Variants in MSL3B observed in about 807,000 individuals in gnomAD.
MSL3B encodes the protein MSL complex subunit 3 pseudogene 1.
At chr2:233,868,277 G>T in the MSL3B span, 5 of 333,470 alleles carry the variant, frequency 1.5e-5, no homozygotes, top group Admixed American at 1.2e-4. Flanking sequence ...GAGCCTACGC[G>T]GCACCAGGCT....
the MSL3B span, chr2:233,866,546 TTGGGCACACTGGTGG>T: frequency 1.0e-6 from 1 of 1,001,050 alleles, no homozygotes; most frequent in Admixed American, 1.7e-5. Flanking sequence ...CAGGAACAGC[TTGGGCACACTGGTGG>T]ACATGTCCTG....
the MSL3B span, chr2:233,866,952 C>T: frequency 7.1e-7 from 1 of 1,404,448 alleles, no homozygotes. Context: ...ATATTCTTTT[C>T]TGCTGGGATA....
chr2:233,864,690 A>C, the MSL3B span, among the ~76,000 whole-genome samples: 1 of 152,238 alleles, frequency 6.6e-6, no homozygotes, highest in Non-Finnish European at 1.5e-5. Context: ...TATTTAACCC[A>C]ATGTATCTAA....
At chr2:233,864,883 G>A in the MSL3B span, among the ~76,000 whole-genome samples, 1 of 152,130 alleles carries the variant, frequency 6.6e-6, no homozygotes, top group Non-Finnish European at 1.5e-5. Flanking sequence ...TCATGGACAT[G>A]CAAGAGAATT....
chr2:233,868,185 G>C, the MSL3B span: 1 of 451,644 alleles, frequency 2.2e-6, no homozygotes, highest in South Asian at 1.7e-5. Flanking sequence ...AGCTATTCTG[G>C]GATCTTTCTG....
chr2:233,867,789 ATTTTT>A, the MSL3B span, among the ~76,000 whole-genome samples: 1 of 72,806 alleles, frequency 1.4e-5, no homozygotes, highest in Admixed American at 1.6e-4. Context: ...CTAATCTACG[ATTTTT>A]TTTTTTTTTT....
the MSL3B span, chr2:233,865,998 C>G: frequency 2.6e-6 from 1 of 377,618 alleles, no homozygotes; most frequent in Non-Finnish European, 5.1e-6. Context: ...CAACAGGGCA[C>G]ACCTCTGTCA....
At chr2:233,867,048 G>C in the MSL3B span, 2 of 1,231,700 alleles carry the variant, frequency 1.6e-6, no homozygotes, top group East Asian at 4.6e-5. Flanking sequence ...ATAGCAAAAT[G>C]CTTCACATAG....
the MSL3B span, chr2:233,866,427 C>A: frequency 3.3e-6 from 4 of 1,223,376 alleles, no homozygotes; most frequent in Non-Finnish European, 4.8e-6. Context: ...TCATTTATTT[C>A]ATTAGTTCTT....
At chr2:233,865,379 C>A in the MSL3B span, 1 of 151,984 alleles carries the variant, frequency 6.6e-6, no homozygotes, top group Non-Finnish European at 1.5e-5. Context: ...TAAATGAATA[C>A]GTAGCATTCT....
At chr2:233,867,320 T>C in the MSL3B span, 4 of 682,858 alleles carry the variant, frequency 5.9e-6, no homozygotes, top group South Asian at 6.8e-5. Context: ...TGAGTTTTCA[T>C]CATTTTCATT....
the MSL3B span, chr2:233,865,401 A>G: frequency 5.9e-5 from 9 of 152,146 alleles, no homozygotes; most frequent in East Asian, 1.2e-3. Context: ...TTATATTCCA[A>G]TCGTCATTAT....
chr2:233,867,810 T>TTTTA, the MSL3B span, among the ~76,000 whole-genome samples: 7 of 126,152 alleles, frequency 5.5e-5, no homozygotes, highest in South Asian at 2.6e-4. Flanking sequence ...TTTTTTTTTT[T>TTTTA]GAGACAGAGT....
At chr2:233,864,772 T>C in the MSL3B span, among the ~76,000 whole-genome samples, 3 of 152,250 alleles carry the variant, frequency 2.0e-5, no homozygotes, top group African/African-American at 7.2e-5. Flanking sequence ...TTTTTACATA[T>C]TAAGTCTTCA....
chr2:233,866,322 A>G, the MSL3B span: 5 of 802,322 alleles, frequency 6.2e-6, no homozygotes, highest in African/African-American at 6.7e-5. Flanking sequence ...TTGACAAACA[A>G]TCGCAGCAAA....
the MSL3B span, chr2:233,866,688 T>C: frequency 5.1e-6 from 4 of 789,986 alleles, no homozygotes; most frequent in Admixed American, 1.7e-5. Flanking sequence ...TTGCGCCTTT[T>C]AGGGGTGGCT....
At chr2:233,866,241 G>A in the MSL3B span, 3 of 704,638 alleles carry the variant, frequency 4.3e-6, no homozygotes, top group Middle Eastern at 2.5e-4. Flanking sequence ...CTCACAAAGA[G>A]ATCAAAGTGC....
the MSL3B span, chr2:233,866,216 T>C: frequency 1.5e-6 from 1 of 678,104 alleles, no homozygotes; most frequent in East Asian, 3.3e-5. Flanking sequence ...GTCATCGTGG[T>C]ATTCTGCTAA....
the MSL3B span, chr2:233,865,863 T>A: frequency 6.9e-4 from 202 of 293,356 alleles, 2 homozygotes; most frequent in African/African-American, 4.2e-3. Context: ...CATTTCACTG[T>A]GAACAGTTGC....
Sources: gnomAD v4.1 joint callset for allele counts (sites outside exome capture counted in the v4.1 genomes callset) on GRCh38, gnomAD v4.1.1 for gene constraint, MANE v1.5 for transcripts, NCBI Gene and HGNC (gene_info 2026-07-23, HGNC 2026-07-21) for gene names.